Variants in NCK2 observed in about 807,000 individuals in gnomAD.
NCK2 encodes NCK adaptor protein 2, also known as cytoplasmic protein NCK2.
A neutral mutation model predicts 33.9 loss-of-function variants in NCK2; 16 were observed. That is an observed-to-expected ratio of 0.47 (90% CI 0.32 to 0.72). NCK2 has a LOEUF of 0.72. Among genes scored for constraint, NCK2 ranks in the 30% least tolerant of loss-of-function variants. NCK2 has a pLI of 0.03. For synonymous variants in NCK2, 273 were observed against 239.9 expected, an observed-to-expected ratio of 1.14 and a Z score of -1.27; for missense variants, 418 against 537.3, an observed-to-expected ratio of 0.78 and a Z score of 2.19.
intron 2 of NCK2, among the ~76,000 whole-genome samples, chr2:105,822,480 C>T (rs1465641): frequency 0.32 from 49,300 of 151,890 alleles, 8,705 homozygotes; most frequent in South Asian, 0.4. Flanking sequence ...AGGTCCCTGA[C>T]GCTTCCCACA....
intron 4 of NCK2, 117 bp from the exon 5 acceptor site, chr2:105,892,865 G>T: frequency 2.3e-5 from 16 of 688,774 alleles, no homozygotes; most frequent in Non-Finnish European, 3.7e-5. Flanking sequence ...AAAAAAAGCA[G>T]AGACCCAGTG....
chr2:105,786,716 GTC>G (rs1690693779), intron 1 of NCK2, among the ~76,000 whole-genome samples: 1 of 152,150 alleles, frequency 6.6e-6, no homozygotes, highest in African/African-American at 2.4e-5. Flanking sequence ...CTCCATCGCT[GTC>G]TCTTATTTCT....
intron 1 of NCK2, among the ~76,000 whole-genome samples, chr2:105,754,099 G>C (rs1452586032): frequency 5.3e-5 from 8 of 152,212 alleles, no homozygotes; most frequent in Non-Finnish European, 1.5e-5. Context: ...TGGCGTCTCT[G>C]TTGGGAGAAG....
Position 105,872,965 on chromosome 2 carries a change from C to T in NCK2, c.227-8363C>T, listed in dbSNP as rs1053185293. ...TTAGCAGCGCCTGTCCTCTGCCTGT[C>T]TTGGCAGGTGTGCTGTGACCCTGGT... On this transcript the variant is annotated intron_variant, in intron 3 of 4. Coordinates refer to ENST00000233154, the MANE Select transcript of NCK2 (RefSeq NM_003581.5). Among the ~76,000 whole-genome samples, 4 of 152,232 alleles carry T rather than the reference C, an allele frequency of 2.6e-5. 1 individual carries two copies. The highest frequency in any genetic ancestry group is 2.6e-4 in the Admixed American group (4 of 15,290).
intron 1 of NCK2, among the ~76,000 whole-genome samples, chr2:105,770,290 T>C (rs905432224): frequency 2.6e-5 from 4 of 152,224 alleles, no homozygotes; most frequent in Admixed American, 2.0e-4. Flanking sequence ...TTTAAGAGCA[T>C]GATTGAAATT....
intron 1 of NCK2, among the ~76,000 whole-genome samples, chr2:105,758,245 A>AT (rs1338534797): frequency 6.6e-6 from 1 of 152,114 alleles, no homozygotes; most frequent in African/African-American, 2.4e-5. Flanking sequence ...TAGAGATGTA[A>AT]GTAATTGAAT....
chr2:105,759,385 G>A (rs972153531), intron 1 of NCK2, among the ~76,000 whole-genome samples: 13 of 152,058 alleles, frequency 8.5e-5, no homozygotes, highest in Non-Finnish European at 1.8e-4. Flanking sequence ...TCCTTTTGTT[G>A]AGCACAGTGT....
intron 1 of NCK2, among the ~76,000 whole-genome samples, chr2:105,778,590 G>T (rs1189463730): frequency 6.6e-6 from 1 of 152,234 alleles, no homozygotes; most frequent in Non-Finnish European, 1.5e-5. Context: ...GGATGCTGGT[G>T]GCTGCGTGAA....
chr2:105,800,149 C>G (rs1674770507), intron 1 of NCK2, among the ~76,000 whole-genome samples: 1 of 152,188 alleles, frequency 6.6e-6, no homozygotes, highest in African/African-American at 2.4e-5. Context: ...TGTAGCCTGG[C>G]TGCACCGTAT....
At position 105,776,523 on chromosome 2, in the gene NCK2, C is replaced by T. The variant is rs952259124; in HGVS notation, c.-201+31385C>T. Among the ~76,000 whole-genome samples, 3 of 152,126 alleles carry T rather than the reference C, an allele frequency of 2.0e-5. No individual in the cohort carries two copies. The South Asian group carries it at 6.2e-4, about 31-fold the overall frequency. On this transcript the variant is annotated intron_variant, in intron 1 of 4. Transcript: ENST00000233154. The stretch of plus-strand genomic sequence containing the variant: ...CTAGCCTACCCACCCGTGGAGGGCT[C>T]CTGCATGCTGCCAGCCTTGGGTTGT...
chr2:105,796,768 A>C (rs947719710), intron 1 of NCK2, among the ~76,000 whole-genome samples: 2 of 152,212 alleles, frequency 1.3e-5, no homozygotes, highest in Non-Finnish European at 2.9e-5. Flanking sequence ...AAAATAACTA[A>C]GCATTTCTCT....
chr2:105,747,513 A>G (rs567447990), intron 1 of NCK2, among the ~76,000 whole-genome samples: 1 of 152,236 alleles, frequency 6.6e-6, no homozygotes, highest in African/African-American at 2.4e-5. Context: ...TGGGGGAGAC[A>G]GGGCTTGCGG....
intron 2 of NCK2, among the ~76,000 whole-genome samples, chr2:105,849,387 AGAAAGAAG>A (rs1193895324): frequency 1.3e-5 from 2 of 152,174 alleles, no homozygotes; most frequent in African/African-American, 4.8e-5. Context: ...TGATGCCATC[AGAAAGAAG>A]GAAAGAAGGA....
At chr2:105,817,814 CTT>C (rs1675554627) in intron 2 of NCK2, among the ~76,000 whole-genome samples, 1 of 152,134 alleles carries the variant, frequency 6.6e-6, no homozygotes, top group South Asian at 2.1e-4. Flanking sequence ...AATAGGAACA[CTT>C]TTGCACTGTT....
At chr2:105,807,190 G>A (rs1041602241) in intron 1 of NCK2, among the ~76,000 whole-genome samples, 5 of 152,174 alleles carry the variant, frequency 3.3e-5, no homozygotes, top group Admixed American at 2.0e-4. Context: ...GGCCCTGACC[G>A]GAACAGCTCA....
At chr2:105,758,880 A>G (rs969794840) in intron 1 of NCK2, among the ~76,000 whole-genome samples, 2 of 152,216 alleles carry the variant, frequency 1.3e-5, no homozygotes, top group African/African-American at 4.8e-5. Flanking sequence ...AGCTTTGTTT[A>G]ACATCTGAAA....
rs1485187423 is a variant in NCK2, at chr2:105,845,704, T to G, written c.-16-9344T>G. 3.9e-5 allele frequency among the ~76,000 whole-genome samples: 6 copies of G among 152,064 alleles called. No individual in the cohort carries two copies. The East Asian group carries it at 9.7e-4, about 24-fold the overall frequency. On this transcript the variant is annotated intron_variant, in intron 2 of 4. Transcript: ENST00000233154. ...CCACCACGCCCAGCCGAGGTTTTTT[T>G]GAAGTAGATGTTTAAGTTACAAAAT...
chr2:105,761,630 C>G (rs1689766542), intron 1 of NCK2, among the ~76,000 whole-genome samples: 2 of 152,202 alleles, frequency 1.3e-5, no homozygotes, highest in African/African-American at 4.8e-5. Context: ...GTAATCCCAG[C>G]ACTTTGGGAG....
intron 2 of NCK2, among the ~76,000 whole-genome samples, chr2:105,851,399 GACT>G (rs1677063168): frequency 1.3e-5 from 2 of 152,162 alleles, no homozygotes; most frequent in South Asian, 4.1e-4. Context: ...GAGTAGCTGG[GACT>G]ACAGGAGCGT....
Sources: allele counts gnomAD v4.1 joint callset (sites outside exome capture counted in the v4.1 genomes callset), GRCh38; gene constraint gnomAD v4.1.1; transcripts MANE v1.5; gene names NCBI Gene and HGNC (gene_info 2026-07-23, HGNC 2026-07-21).